Variants in AGA observed in about 807,000 individuals in gnomAD.
The protein encoded by AGA is aspartylglucosaminidase.
AGA carries 31 observed loss-of-function variants against 40.1 expected under a neutral mutation model. The ratio of observed to expected loss-of-function variants is 0.77; its 90% CI spans 0.58 to 1.04. AGA has a LOEUF of 1.04. Ranked by LOEUF, AGA falls within the 50% of genes least tolerant of loss-of-function variation. The pLI is 0.00. For missense variants in AGA, 445 were observed against 435.4 expected, an observed-to-expected ratio of 1.02 and a Z score of -0.20; for synonymous variants, 148 against 144.0, an observed-to-expected ratio of 1.03 and a Z score of -0.20.
chr4:177,439,153 C>T (rs902824525), intron 3 of AGA, among the ~76,000 whole-genome samples: 3 of 152,036 alleles, frequency 2.0e-5, no homozygotes, highest in East Asian at 1.9e-4. Flanking sequence ...GAGGCTGAGG[C>T]GGGTGGATCA....
intron 2 of AGA, chr4:177,439,971 G>T (rs1249135612): frequency 1.7e-6 from 1 of 583,060 alleles, no homozygotes; most frequent in African/African-American, 1.9e-5. Flanking sequence ...AAGGCTTCAG[G>T]TCAGGCAAAC....
intron 2 of AGA, 44 bp from the exon 3 acceptor site, chr4:177,439,732 A>T: frequency 7.2e-7 from 1 of 1,382,690 alleles, no homozygotes; most frequent in African/African-American, 1.4e-5. Flanking sequence ...GAGTTTTCAG[A>T]GGTTCATAGA....
In AGA at chr4:177,442,267, T is replaced by C. The variant is rs766776902; in HGVS notation, c.109A>G (p.Lys37Glu). 65 of 1,613,750 alleles carry C rather than the reference T, an allele frequency of 4.0e-5. 1 individual carries two copies. The South Asian group carries it at 6.9e-4, about 17-fold the overall frequency. ...CCCGCACCTGCTTCGGTTGCATTCT[T>C]AAAGGGCCAAGTGTTGACGACCAGG... ...LPLVVNTWPF[K>E]NATEAAWRAL... is the part of the protein sequence containing the mutation. Residue 37 changes from lysine (K) to glutamate (E), a missense_variant, in exon 1 of 9, where the codon AAG becomes GAG. By Grantham distance (56) the Lys-to-Glu change is moderately conservative. Transcript: ENST00000264595.
rs1241109215 is a variant in AGA, at chr4:177,440,419, C to T, written c.135G>A (p.Arg45=). The T allele has an allele frequency of 3.1e-6, 5 of 1,613,738 alleles. No individual in the cohort carries two copies. Among genetic ancestry groups the T allele is most frequent in the African/African-American group, 2.7e-5 (2 of 74,902 alleles). The change falls in exon 2 of 9, where the codon AGG becomes AGA. Residue 45 remains arginine, a synonymous_variant. Coordinates refer to ENST00000264595, the MANE Select transcript of AGA (RefSeq NM_000027.4). ...GGGCAGAGCCTCCAGATGCTAATGC[C>T]CTCCACGCTGTTAATCAAATCCCAA... ...PFKNATEAAW[R]ALASGGSALD... is the part of the protein sequence containing the mutation.
chr4:177,437,559 T>C, intron 4 of AGA, 40 bp from the exon 5 acceptor site: 2 of 1,435,546 alleles, frequency 1.4e-6, no homozygotes, highest in Non-Finnish European at 2.0e-6. Flanking sequence ...ACAAAGGGTA[T>C]TTTTAGAAAT....
intron 3 of AGA, among the ~76,000 whole-genome samples, chr4:177,439,228 A>C (rs1736916349): frequency 6.6e-6 from 1 of 152,148 alleles, no homozygotes; most frequent in Non-Finnish European, 1.5e-5. Flanking sequence ...TAAAAATATA[A>C]AAATTAGCTG....
At chr4:177,433,412 T>C (rs1019362493) in intron 7 of AGA, 65 bp from the exon 8 acceptor site, 1 of 1,603,884 alleles carries the variant, frequency 6.2e-7, no homozygotes, top group African/African-American at 1.3e-5. Flanking sequence ...TTGGGTTACT[T>C]GAAGTTAGAA....
chr4:177,440,284 C>A lies in AGA; in HGVS notation c.270G>T (p.Met90Ile). The change falls in exon 2 of 9, where the codon ATG becomes ATT. Residue 90 changes from methionine to isoleucine, a missense_variant. Transcript: ENST00000264595. ...AACGGTGTTCTTACCCATCCATGATCATGGCATCTAGTGTGGTTTCTCCAA... is the reference window on the plus strand; with the variant it reads ...AACGGTGTTCTTACCCATCCATGATAATGGCATCTAGTGTGGTTTCTCCAA... ...DELGETTLDA[M>I]IMDGTTMDVG... 6.2e-7 allele frequency: 1 copy of A among 1,613,952 alleles called. No individual in the cohort carries two copies. The highest frequency in any genetic ancestry group is 8.5e-7 in the Non-Finnish European group (1 of 1,180,002).
rs764598121 is a variant in AGA at position 177,442,289 on chromosome 4, CA to C, written c.86del (p.Leu29ArgfsTer19). On this transcript the variant is annotated frameshift_variant, in exon 1 of 9. Transcript: ENST00000264595. LOFTEE classifies it high-confidence loss of function. ...TCTTAAAGGGCCAAGTGTTGACGAC[CA>C]GGGGCAGAGGGCTGGAGCAGCGCAC... ...ALVRCSSPLP[L>X]VVNTWPFKNA... 2.5e-6 allele frequency: 4 copies of C among 1,614,098 alleles called. No individual in the cohort carries two copies. Among genetic ancestry groups the C allele is most frequent in the Admixed American group, 3.3e-5 (2 of 60,032 alleles).
rs1381574512 is a variant in AGA at position 177,431,059 on chromosome 4, T to C, written c.*649A>G. 2 of 453,772 alleles carry C rather than the reference T, an allele frequency of 4.4e-6. No individual in the cohort carries two copies. Among genetic ancestry groups the C allele is most frequent in the African/African-American group, 4.0e-5 (2 of 49,964 alleles). The allele number at this position is 453,772 out of a possible 1,614,324, so 28.1% of individuals were successfully genotyped here. A position where few individuals can be genotyped will look rare whatever the true frequency, so the allele number is the denominator to read the frequency against. ...TAAATATTAGCAGCTAAAACATCAT[T>C]GATTCTTGTGGCTTTAGAACTTTCA... is the stretch of plus-strand genomic sequence containing the variant. On this transcript the variant is annotated 3_prime_UTR_variant, in exon 9 of 9. Transcript: ENST00000264595.
At position 177,433,315 on chromosome 4, in the gene AGA, T is replaced by C; in HGVS notation, c.839A>G (p.Glu280Gly). 1 of 1,614,074 alleles carries C rather than the reference T, an allele frequency of 6.2e-7. No homozygotes were observed. The highest frequency in any genetic ancestry group is 1.7e-4 in the Middle Eastern group (1 of 6,058). ...TTTTTGGCAAGCTATGGTTGGATCT[T>C]CTCCTCTTCTCATGTATTCTACAGC... ...YQAVEYMRRG[E>G]DPTIACQKVI... Residue 280 changes from glutamate (E) to glycine (G), a missense_variant, in exon 8 of 9, where the codon GAA (glutamate) becomes GGA (glycine). Transcript: ENST00000264595.
At chr4:177,439,733 G>A (rs1288696690) in intron 2 of AGA, 45 bp from the exon 3 acceptor site, 1 of 1,380,246 alleles carries the variant, frequency 7.2e-7, no homozygotes, top group Admixed American at 1.7e-5. Flanking sequence ...AGTTTTCAGA[G>A]GTTCATAGAT....
chr4:177,438,596 T>C (rs1021267980), intron 4 of AGA, 149 bp downstream of exon 4: 4 of 679,300 alleles, frequency 5.9e-6, no homozygotes, highest in African/African-American at 1.8e-5. Context: ...GGAACATCCA[T>C]ACCTGGAGAG....
At chr4:177,433,122 A>G (rs943470083) in intron 8 of AGA, 92 bp downstream of exon 8, 2 of 1,551,032 alleles carry the variant, frequency 1.3e-6, no homozygotes, top group Non-Finnish European at 1.8e-6. Context: ...TTTCTATTGA[A>G]TATAGTGTAT....
chr4:177,442,188 T>C (rs1737049515), intron 1 of AGA, 61 bp downstream of exon 1: 9 of 1,604,098 alleles, frequency 5.6e-6, no homozygotes, highest in South Asian at 5.5e-5. Flanking sequence ...CGGGGCGGGC[T>C]AGTCATCCCC....
chr4:177,437,413 T>C lies in AGA; in HGVS notation c.614A>G (p.Asp205Gly). ...CACAAAAGGCAAATTACCAATAGTG[T>C]CATGACCACGATCATCTTCTGTTTC... is the stretch of plus-strand genomic sequence containing the variant. The part of the protein sequence containing the change: ...HKETEDDRGH[D>G]TIGMVVIHKT... The change falls in exon 5 of 9, where the codon GAC (aspartate) becomes GGC (glycine). Residue 205 changes from aspartate to glycine, a missense_variant. By Grantham distance (94) the Asp-to-Gly change is moderately conservative. Transcript: ENST00000264595. 4.4e-6 allele frequency: 7 copies of C among 1,608,312 alleles called. No individual in the cohort carries two copies. The highest frequency in any genetic ancestry group is 5.1e-6 in the Non-Finnish European group (6 of 1,174,836).
chr4:177,433,508 A>G (rs1242351438), intron 7 of AGA, among the ~76,000 whole-genome samples, 161 bp from the exon 8 acceptor site: 1 of 152,280 alleles, frequency 6.6e-6, no homozygotes, highest in Non-Finnish European at 1.5e-5. Context: ...TCCACAAAGC[A>G]AGTCCACTTT....
intron 1 of AGA, among the ~76,000 whole-genome samples, chr4:177,441,059 C>A (rs559725906): frequency 6.6e-6 from 1 of 152,184 alleles, no homozygotes; most frequent in Non-Finnish European, 1.5e-5. Context: ...AGCCAGGATC[C>A]CATACATTTG....
rs140041286 is a variant in AGA at position 177,433,710 on chromosome 4, A to G, written c.807-363T>C. On this transcript the variant is annotated intron_variant, in intron 7 of 8. Coordinates refer to ENST00000264595, the MANE Select transcript of AGA (RefSeq NM_000027.4). ...GGGGAAAGTAGTGTGCATGGGCACA[A>G]CATCTAGCTAGGGTGGTTAAAGGTA... Among the ~76,000 whole-genome samples the G allele has an allele frequency of 1.6e-4, 24 of 152,332 alleles. 1 individual carries two copies. The East Asian group carries it at 4.4e-3, about 28-fold the overall frequency.
Sources: gnomAD v4.1 joint callset for allele counts (sites outside exome capture counted in the v4.1 genomes callset) on GRCh38, gnomAD v4.1.1 for gene constraint, MANE v1.5 for transcripts, NCBI Gene and HGNC (gene_info 2026-07-23, HGNC 2026-07-21) for gene names.